ERI1: variants seen among roughly 807,000 people sequenced by gnomAD.
ERI1 encodes the protein 3'-5' exoribonuclease 1.
A neutral mutation model predicts 39.7 loss-of-function variants in ERI1; 39 were observed. That is an observed-to-expected ratio of 0.98 (90% confidence interval 0.76 to 1.28). The LOEUF is 1.28. Ranked by LOEUF, ERI1 falls within the 50% of genes most tolerant of loss-of-function variation. The probability of loss-of-function intolerance (pLI) is 0.00; values close to 1 mark genes in which losing one functional copy is unlikely to be tolerated. For synonymous variants in ERI1, 204 were observed against 149.6 expected (o/e 1.36, Z -2.65); for missense variants, 581 against 416.9 (o/e 1.39, Z -3.43).
chr8:9,003,686 A>G (rs1052268493), intron 1 of ERI1, among the ~76,000 whole-genome samples: 2 of 152,122 alleles, frequency 1.3e-5, no homozygotes, highest in Admixed American at 1.3e-4. Context: ...ATAGTATAAG[A>G]TTGAATGAAT....
chr8:9,079,724 A>C (rs570124682), intron 3 of ERI1, among the ~76,000 whole-genome samples: 20 of 152,236 alleles, frequency 1.3e-4, no homozygotes, highest in Admixed American at 5.9e-4. Flanking sequence ...TCCAGGCTGG[A>C]GTGCAGTGGA....
chr8:9,008,886 A>G (rs1053265048), intron 2 of ERI1: 10 of 359,632 alleles, frequency 2.8e-5, no homozygotes, highest in African/African-American at 6.5e-5. Context: ...TCTCTGAATC[A>G]TAATTCTCTT....
At chr8:9,018,517 C>G (rs1817540764) in intron 5 of ERI1, 111 bp downstream of exon 5, 1 of 623,558 alleles carries the variant, frequency 1.6e-6, no homozygotes, top group African/African-American at 1.8e-5. Context: ...ACCCTAGAGT[C>G]TCACCCCACA....
At chr8:9,040,675 T>A (rs1276050835) in intron 3 of ERI1, among the ~76,000 whole-genome samples, 1 of 151,708 alleles carries the variant, frequency 6.6e-6, no homozygotes, top group Non-Finnish European at 1.5e-5. Flanking sequence ...GTTGAAAATT[T>A]CTGTTATTTT....
chr8:9,018,466 AT>A, intron 5 of ERI1, 60 bp downstream of exon 5: 1 of 934,728 alleles, frequency 1.1e-6, no homozygotes, highest in East Asian at 2.6e-5. Context: ...AGATACCCTT[AT>A]TTATCTGATT....
intron 3 of ERI1, among the ~76,000 whole-genome samples, chr8:9,014,129 C>T (rs909449225): frequency 6.6e-6 from 1 of 152,168 alleles, no homozygotes; most frequent in Non-Finnish European, 1.5e-5. Flanking sequence ...CTATTGTTTC[C>T]TCTGATTGTT....
In ERI1 at chr8:9,029,911, G is replaced by A. The variant is rs1213936135; in HGVS notation, c.927G>A (p.Met309Ile). ...SKNIARIAVR[M>I]LQDGCELRIN... ...ATATCGCCCGAATAGCAGTTCGAATGCTTCAGGATGGGTGTGAACTCCGAA... is the reference window on the plus strand; with the variant it reads ...ATATCGCCCGAATAGCAGTTCGAATACTTCAGGATGGGTGTGAACTCCGAA... Residue 309 changes from methionine (M) to isoleucine (I), a missense_variant, in exon 7 of 7, where the codon ATG (methionine) becomes ATA (isoleucine). Coordinates refer to ENST00000250263, the MANE Select transcript of ERI1 (RefSeq NM_153332.4). 6.2e-7 allele frequency: 1 copy of A among 1,614,136 alleles called. No individual in the cohort carries two copies. Among genetic ancestry groups the A allele is most frequent in the Admixed American group, 1.7e-5 (1 of 60,010 alleles).
At chr8:9,086,973 T>C (rs911684879) in intron 3 of ERI1, among the ~76,000 whole-genome samples, 1 of 152,204 alleles carries the variant, frequency 6.6e-6, no homozygotes, top group Admixed American at 6.5e-5. Context: ...TAGTTAGTGC[T>C]GGGCGGTAGG....
chr8:9,064,359 G>A (rs1053373841), intron 3 of ERI1, among the ~76,000 whole-genome samples: 2 of 152,112 alleles, frequency 1.3e-5, no homozygotes, highest in Admixed American at 6.5e-5. Flanking sequence ...GAGGGACAAA[G>A]GCAGGCGTCC....
intron 3 of ERI1, among the ~76,000 whole-genome samples, chr8:9,047,487 C>T (rs1224881479): frequency 1.3e-5 from 2 of 151,526 alleles, no homozygotes; most frequent in African/African-American, 2.4e-5. Flanking sequence ...CCAGCCTGGG[C>T]AACATAGCAA....
At chr8:9,008,720 G>A (rs1012166990) in intron 2 of ERI1, among the ~76,000 whole-genome samples, 5 of 151,986 alleles carry the variant, frequency 3.3e-5, no homozygotes, top group African/African-American at 4.8e-5. Context: ...AATTTTTTGC[G>A]AAACAAATCA....
chr8:9,049,002 A>G (rs1445553276), intron 3 of ERI1, among the ~76,000 whole-genome samples: 2 of 151,974 alleles, frequency 1.3e-5, no homozygotes, highest in African/African-American at 4.8e-5. Flanking sequence ...GGTGAGCGAG[A>G]TGTAAATGCA....
chr8:9,007,364 GT>G (rs1210768032), intron 1 of ERI1, among the ~76,000 whole-genome samples: 1 of 152,068 alleles, frequency 6.6e-6, no homozygotes, highest in Non-Finnish European at 1.5e-5. Context: ...ATGAAGTCAG[GT>G]TAAAAAATTA....
At chr8:9,022,623 C>G (rs892462500) in intron 6 of ERI1, among the ~76,000 whole-genome samples, 3 of 152,160 alleles carry the variant, frequency 2.0e-5, no homozygotes, top group African/African-American at 7.2e-5. Flanking sequence ...TGGTCTCGAA[C>G]TCCTGGACTC....
rs912247090 is a variant in ERI1, at chr8:9,025,837, A to G, written c.808-3955A>G. On this transcript the variant is annotated intron_variant, in intron 6 of 6. Transcript: ENST00000250263. Reference sequence around the variant, plus strand: ...CAGATTTTGGAATATTTGCATATACATAATGAGATACCTTAGAGATAGGAC... The same window carrying G: ...CAGATTTTGGAATATTTGCATATACGTAATGAGATACCTTAGAGATAGGAC... Among the ~76,000 whole-genome samples the G allele has an allele frequency of 7.9e-5, 12 of 152,238 alleles. No individual in the cohort carries two copies. The East Asian group carries it at 2.3e-3, about 29-fold the overall frequency.
chr8:9,037,890 TTAAAA>T (rs1797902587), downstream of ERI1, among the ~76,000 whole-genome samples: 3 of 115,886 alleles, frequency 2.6e-5, no homozygotes, highest in African/African-American at 1.1e-4. Flanking sequence ...CATTGCTGAT[TTAAAA>T]AAAAAAAAAA....
At chr8:9,069,042 C>G (rs1798971673) in intron 3 of ERI1, among the ~76,000 whole-genome samples, 2 of 152,300 alleles carry the variant, frequency 1.3e-5, no homozygotes, top group South Asian at 4.1e-4. Flanking sequence ...TGGTCTCGAA[C>G]TCCTGGGCTC....
intron 3 of ERI1, among the ~76,000 whole-genome samples, chr8:9,056,054 C>A (rs1280450344): frequency 6.6e-6 from 1 of 152,212 alleles, no homozygotes; most frequent in East Asian, 1.9e-4. Context: ...TTACTTGGAT[C>A]CTAATTCATA....
At chr8:9,065,438 G>T (rs188371946) in intron 3 of ERI1, among the ~76,000 whole-genome samples, 194 of 152,248 alleles carry the variant, frequency 1.3e-3, no homozygotes, top group Non-Finnish European at 2.4e-3. Context: ...GCTCACACCT[G>T]TAATCCCAGC....
Sources: allele counts gnomAD v4.1 joint callset (sites outside exome capture counted in the v4.1 genomes callset), GRCh38; gene constraint gnomAD v4.1.1; transcripts MANE v1.5; gene names NCBI Gene and HGNC (gene_info 2026-07-23, HGNC 2026-07-21).